SLIT2: variants seen among roughly 807,000 people sequenced by gnomAD.
SLIT2 encodes slit guidance ligand 2.
A neutral mutation model predicts 185.7 loss-of-function variants in SLIT2; 41 were observed. The ratio of observed to expected loss-of-function variants is 0.22; its 90% CI spans 0.17 to 0.29. The LOEUF is 0.29. Ranked by LOEUF, SLIT2 falls within the 10% of genes least tolerant of loss-of-function variation. The probability of loss-of-function intolerance (pLI) is 1.00; values close to 1 mark genes in which losing one functional copy is unlikely to be tolerated. For missense variants in SLIT2, 1,571 were observed against 1,909.0 expected (o/e 0.82, Z 3.30); for synonymous variants, 693 against 680.2 (o/e 1.02, Z -0.29).
intron 33 of SLIT2, among the ~76,000 whole-genome samples, chr4:20,608,784 A>G (rs1034583783): frequency 3.3e-5 from 5 of 152,166 alleles, no homozygotes; most frequent in Non-Finnish European, 5.9e-5. Flanking sequence ...AGACTTTGCC[A>G]TTTTACAAAT....
At chr4:20,405,229 A>T (rs929745666) in intron 4 of SLIT2, among the ~76,000 whole-genome samples, 1 of 151,948 alleles carries the variant, frequency 6.6e-6, no homozygotes, top group Admixed American at 6.6e-5. Flanking sequence ...AATGTATCAC[A>T]TACTCTAAAT....
At chr4:20,613,402 G>C (rs932688844) in intron 34 of SLIT2, among the ~76,000 whole-genome samples, 1 of 152,128 alleles carries the variant, frequency 6.6e-6, no homozygotes, top group Non-Finnish European at 1.5e-5. Context: ...ACTAACACAG[G>C]AACAGAAAAA....
intron 15 of SLIT2, among the ~76,000 whole-genome samples, chr4:20,525,488 T>A (rs773299912): frequency 6.6e-6 from 1 of 152,152 alleles, no homozygotes; most frequent in Admixed American, 6.5e-5. Context: ...CTCCTTACAT[T>A]GTATATCTGA....
chr4:20,365,823 G>T (rs192403426), intron 4 of SLIT2, among the ~76,000 whole-genome samples: 4 of 152,192 alleles, frequency 2.6e-5, no homozygotes, highest in East Asian at 3.9e-4. Context: ...ACTTTCTCCA[G>T]TTCTGTGTGA....
intron 4 of SLIT2, among the ~76,000 whole-genome samples, chr4:20,305,545 A>G (rs1020008032): frequency 6.6e-6 from 1 of 152,164 alleles, no homozygotes; most frequent in Non-Finnish European, 1.5e-5. Flanking sequence ...ATGTATTTGG[A>G]GATTAGTTAT....
chr4:20,503,806 A>T (rs1718958149), intron 9 of SLIT2, among the ~76,000 whole-genome samples: 1 of 152,188 alleles, frequency 6.6e-6, no homozygotes, highest in South Asian at 2.1e-4. Context: ...CACAAAATGT[A>T]AAATAAAATT....
intron 5 of SLIT2, among the ~76,000 whole-genome samples, chr4:20,468,093 C>T (rs1457735783): frequency 2.0e-5 from 3 of 151,978 alleles, no homozygotes; most frequent in Admixed American, 6.6e-5. Context: ...TGATTTGATT[C>T]GCAGATATTT....
At chr4:20,542,718 T>G (rs1254353938) in intron 21 of SLIT2, 92 bp downstream of exon 21, 1 of 1,302,592 alleles carries the variant, frequency 7.7e-7, no homozygotes, top group Non-Finnish European at 1.1e-6. Flanking sequence ...TTTACAATCT[T>G]CTTTACAAAT....
At chr4:20,418,014 G>T (rs1254035203) in intron 4 of SLIT2, among the ~76,000 whole-genome samples, 1 of 152,106 alleles carries the variant, frequency 6.6e-6, no homozygotes, top group South Asian at 2.1e-4. Flanking sequence ...GATCTTAAGG[G>T]GTTGTCCTGT....
intron 4 of SLIT2, among the ~76,000 whole-genome samples, chr4:20,291,484 ATATATATATTTTTTTTTTTTTTTT>A (rs1715889856): frequency 9.5e-5 from 1 of 10,520 alleles, no homozygotes; most frequent in Non-Finnish European, 1.6e-4. Context: ...ATATATATAT[ATATATATATTTTTTTTTTTTTTTT>A]TTTTTTTTTT....
chr4:20,359,274 T>C (rs908741172), intron 4 of SLIT2, among the ~76,000 whole-genome samples: 1 of 151,978 alleles, frequency 6.6e-6, no homozygotes, highest in Non-Finnish European at 1.5e-5. Flanking sequence ...CTTAAGTTGG[T>C]GAAAAAACAC....
intron 4 of SLIT2, among the ~76,000 whole-genome samples, chr4:20,403,824 C>A (rs1414372401): frequency 6.6e-6 from 1 of 150,808 alleles, no homozygotes; most frequent in East Asian, 2.0e-4. Flanking sequence ...TATGGTAGAG[C>A]AGTTTTCTGT....
intron 9 of SLIT2, among the ~76,000 whole-genome samples, chr4:20,508,817 G>A (rs1719438927): frequency 6.6e-6 from 1 of 152,068 alleles, no homozygotes; most frequent in Non-Finnish European, 1.5e-5. Context: ...ATGTTACAGT[G>A]AGTTCAAGAG....
At chr4:20,282,301 G>T (rs1402519132) in intron 4 of SLIT2, among the ~76,000 whole-genome samples, 3 of 152,104 alleles carry the variant, frequency 2.0e-5, no homozygotes, top group Non-Finnish European at 4.4e-5. Context: ...TAAGCCACCT[G>T]GGTTGAAGAA....
intron 4 of SLIT2, among the ~76,000 whole-genome samples, chr4:20,395,509 C>T (rs1422820088): frequency 6.6e-6 from 1 of 151,886 alleles, no homozygotes; most frequent in African/African-American, 2.4e-5. Context: ...TATAATTTAC[C>T]TATTTTGAAG....
intron 4 of SLIT2, among the ~76,000 whole-genome samples, chr4:20,418,812 A>C (rs1329624204): frequency 6.6e-6 from 1 of 152,164 alleles, no homozygotes; most frequent in Non-Finnish European, 1.5e-5. Context: ...ACACACATAC[A>C]CATACACAAA....
intron 1 of SLIT2, among the ~76,000 whole-genome samples, chr4:20,255,491 G>A (rs1478723910): frequency 1.3e-5 from 2 of 152,296 alleles, no homozygotes; most frequent in East Asian, 3.9e-4. Context: ...ATATCGAATA[G>A]CCCAACAATT....
intron 5 of SLIT2, among the ~76,000 whole-genome samples, chr4:20,470,869 T>G (rs781374004): frequency 7.0e-4 from 107 of 152,190 alleles, no homozygotes; most frequent in Middle Eastern, 6.8e-3. Flanking sequence ...GCCATCCCTG[T>G]TTTTTAAAGG....
At chr4:20,262,162 A>G (rs1244016996) in intron 3 of SLIT2, among the ~76,000 whole-genome samples, 2 of 151,844 alleles carry the variant, frequency 1.3e-5, no homozygotes, top group Admixed American at 1.3e-4. Context: ...TTTACAGTGG[A>G]GCCTACATTT....
Sources: allele counts gnomAD v4.1 joint callset (sites outside exome capture counted in the v4.1 genomes callset), GRCh38; gene constraint gnomAD v4.1.1; transcripts MANE v1.5; gene names NCBI Gene and HGNC (gene_info 2026-07-23, HGNC 2026-07-21).